The following CCDC191 variants were observed in gnomAD, a reference collection of about 807,000 sequenced individuals.
The protein encoded by CCDC191 is coiled-coil domain containing 191, also known as coiled-coil domain-containing protein 191.
In CCDC191, 99 loss-of-function variants were observed where a neutral mutation model predicts 114.0. The observed-to-expected ratio is 0.87, with a 90% CI of 0.74 to 1.03. The LOEUF (loss-of-function observed/expected upper bound fraction) is 1.03, where lower values mean the gene tolerates loss of function less well. CCDC191 is among the 50% of genes least tolerant of loss of function. The pLI, the probability that CCDC191 is intolerant of heterozygous loss-of-function variation, is 0.00. For missense variants in CCDC191, 973 were observed against 1,087.0 expected, an observed-to-expected ratio of 0.90 and a Z score of 1.47; for synonymous variants, 351 against 376.0, an observed-to-expected ratio of 0.93 and a Z score of 0.77.
intron 10 of CCDC191, 25 bp downstream of exon 10, chr3:114,005,483 G>GGACAGAGACTCCACCGTACATCAAAATC: frequency 6.3e-7 from 1 of 1,577,370 alleles, no homozygotes; most frequent in Non-Finnish European, 8.6e-7. Context: ...AATGAGTCCA[G>GGACAGAGACTCCACCGTACATCAAAATC]CGAGTTCTGA....
At chr3:114,034,897 C>G in intron 6 of CCDC191, 28 bp downstream of exon 6, 1 of 1,587,270 alleles carries the variant, frequency 6.3e-7, no homozygotes, top group Non-Finnish European at 8.6e-7. Context: ...AACAGAGAAA[C>G]CCCACAGTGC....
rs546846341 is a variant in CCDC191, at chr3:113,983,896, G to A, written c.2164-3103C>T. On this transcript the variant is annotated intron_variant, in intron 13 of 16. Coordinates refer to ENST00000295878, the MANE Select transcript of CCDC191 (RefSeq NM_020817.2). ...GTATAAGCATTTAATAAACATACAG[G>A]GGGGTGTTAAGAAGAGGTTAGATTA... is the stretch of plus-strand genomic sequence containing the variant. 3 of 152,246 alleles carry A rather than the reference G, an allele frequency of 2.0e-5. No homozygotes were observed. In the East Asian group the frequency reaches 5.8e-4, roughly 29 times the overall value. The allele number at this position is 152,246 out of a possible 1,614,324, so 9.4% of individuals were successfully genotyped here. A position where few individuals can be genotyped will look rare whatever the true frequency, so the allele number is the denominator to read the frequency against.
At position 113,980,653 on chromosome 3, in the gene CCDC191, G is replaced by T; in HGVS notation, c.2304C>A (p.Ile768=). 2.5e-6 allele frequency: 4 copies of T among 1,588,646 alleles called. No homozygotes were observed. The highest frequency in any genetic ancestry group is 1.2e-5 in the South Asian group (1 of 85,062). The change falls in exon 14 of 17, where the codon ATC becomes ATA. Residue 768 remains isoleucine (I), a synonymous_variant. Transcript: ENST00000295878. ...GGATAACAGTGGGACAGTGTACCTGGATGTTTTGTTTGCTTTGCATTCTCA... is the reference window on the plus strand; with the variant it reads ...GGATAACAGTGGGACAGTGTACCTGTATGTTTTGTTTGCTTTGCATTCTCA... ...KRLRMQSKQN[I]QVAEEHYSLF...
intron 7 of CCDC191, among the ~76,000 whole-genome samples, chr3:114,020,948 A>G (rs2076235122): frequency 6.6e-6 from 1 of 152,162 alleles, no homozygotes; most frequent in African/African-American, 2.4e-5. Context: ...CCATCACTAT[A>G]AAATAAAGAT....
At chr3:114,045,655 G>A (rs1355833139) in intron 3 of CCDC191, among the ~76,000 whole-genome samples, 2 of 152,114 alleles carry the variant, frequency 1.3e-5, no homozygotes, top group African/African-American at 4.8e-5. Context: ...AAAGCCCTAT[G>A]TGACATACCT....
chr3:113,978,840 C>G lies in CCDC191; in HGVS notation c.2460+18G>C, dbSNP rs1024564411. On this transcript the variant is annotated intron_variant, in intron 15 of 16. Transcript: ENST00000295878. ...GAGCAATGAGATGTATTTAAGGTACCCTTCCCTATGTCCTTACCTGTAGCC... is the reference window on the plus strand; with the variant it reads ...GAGCAATGAGATGTATTTAAGGTACGCTTCCCTATGTCCTTACCTGTAGCC... 17 of 1,607,828 alleles carry G rather than the reference C, an allele frequency of 1.1e-5. No homozygotes were observed. Among genetic ancestry groups the G allele is most frequent in the Admixed American group, 1.7e-5 (1 of 59,140 alleles).
intron 16 of CCDC191, among the ~76,000 whole-genome samples, chr3:113,966,582 A>T (rs929822975): frequency 1.3e-5 from 2 of 152,152 alleles, no homozygotes; most frequent in African/African-American, 2.4e-5. Context: ...AAAGGCAACG[A>T]AGCGAGAATA....
At chr3:113,979,101 C>T in intron 14 of CCDC191, 91 bp from the exon 15 acceptor site, 1 of 1,190,744 alleles carries the variant, frequency 8.4e-7, no homozygotes, top group Non-Finnish European at 1.2e-6. Context: ...CTATAAAACA[C>T]ATTTAGGCAG....
At chr3:114,024,116 C>T (rs1167606378) in intron 7 of CCDC191, among the ~76,000 whole-genome samples, 1 of 152,132 alleles carries the variant, frequency 6.6e-6, no homozygotes, top group Non-Finnish European at 1.5e-5. Flanking sequence ...TCATCACTGG[C>T]CATCAGAGAA....
chr3:114,025,399 G>A (rs996978084), intron 7 of CCDC191, among the ~76,000 whole-genome samples: 4 of 151,846 alleles, frequency 2.6e-5, no homozygotes, highest in Non-Finnish European at 5.9e-5. Context: ...TTTTTCTGAA[G>A]TATTTAAAAA....
rs1376116962 is a variant in CCDC191 at position 114,056,411 on chromosome 3, C to A, written c.56G>T (p.Arg19Leu). Residue 19 changes from arginine (R) to leucine (L), a missense_variant, in exon 1 of 17, where the codon CGC (arginine) becomes CTC (leucine). Transcript: ENST00000295878. ...CGGCTTCCTTGTGAACCGTTTCCAG[C>A]GATTCAGCCCCATCCTTTTCTTTGA... Reference protein sequence around the residue: ...SFSKKRMGLNRWKRFTRKPSP... With the variant: ...SFSKKRMGLNLWKRFTRKPSP... The A allele has an allele frequency of 5.6e-6, 9 of 1,614,028 alleles. No homozygotes were observed. Among genetic ancestry groups the A allele is most frequent in the Admixed American group, 1.7e-5 (1 of 60,004 alleles).
At chr3:113,980,942 T>A in intron 13 of CCDC191, 149 bp from the exon 14 acceptor site, 3 of 698,580 alleles carry the variant, frequency 4.3e-6, no homozygotes, top group Non-Finnish European at 4.6e-6. Flanking sequence ...GCTTTTTCTT[T>A]AAAAAAAAGG....
chr3:113,972,207 T>A (rs1940892985), intron 16 of CCDC191, among the ~76,000 whole-genome samples: 1 of 152,138 alleles, frequency 6.6e-6, no homozygotes, highest in Non-Finnish European at 1.5e-5. Context: ...GATGTGTTTA[T>A]TGCTATAAAC....
At position 114,053,646 on chromosome 3, in the gene CCDC191, C is replaced by CAT; in HGVS notation, c.91-13_91-12dup. The stretch of plus-strand genomic sequence containing the variant: ...AGGACCAAAAGTAGGCTGTAGATAA[C>CAT]ATATATATGATATCAATACGCAGCA... On this transcript the variant is annotated splice_polypyrimidine_tract_variant and intron_variant, in intron 1 of 16. Coordinates refer to ENST00000295878, the MANE Select transcript of CCDC191 (RefSeq NM_020817.2). 1 of 1,568,914 alleles carries CAT rather than the reference C, an allele frequency of 6.4e-7. No homozygotes were observed. The highest frequency in any genetic ancestry group is 8.7e-7 in the Non-Finnish European group (1 of 1,143,730).
In CCDC191 at chr3:114,005,797, G is replaced by A. The variant is rs1028477916; in HGVS notation, c.1579C>T (p.Pro527Ser). The A allele has an allele frequency of 6.2e-7, 1 of 1,613,954 alleles. No individual in the cohort carries two copies. Among genetic ancestry groups the A allele is most frequent in the East Asian group, 2.2e-5 (1 of 44,874 alleles). ...NKQHKTLGAEPSQQPGSNETL... is the reference protein window; with the variant it reads ...NKQHKTLGAESSQQPGSNETL... The stretch of plus-strand genomic sequence containing the variant: ...TCGTTGCTGCCAGGCTGTTGAGAGG[G>A]TTCAGCACCCAGGGTCTTGTGCTGC... The change falls in exon 10 of 17, where the codon CCC (proline) becomes TCC (serine). Residue 527 changes from proline (P) to serine (S), a missense_variant. By Grantham distance (74) the Pro-to-Ser change is moderately conservative. Transcript: ENST00000295878.
At chr3:113,966,149 G>GAC (rs2107542339) in intron 16 of CCDC191, among the ~76,000 whole-genome samples, 1 of 152,276 alleles carries the variant, frequency 6.6e-6, no homozygotes, top group Admixed American at 6.5e-5. Flanking sequence ...TCAGTGCGTA[G>GAC]ACATATTTTA....
At chr3:114,014,239 G>C (rs1253777615) in intron 8 of CCDC191, among the ~76,000 whole-genome samples, 1 of 152,136 alleles carries the variant, frequency 6.6e-6, no homozygotes, top group Non-Finnish European at 1.5e-5. Flanking sequence ...AATGTGCCAG[G>C]TACCCCCAGG....
chr3:114,056,535 G>A (rs759476252), upstream of CCDC191: 2 of 1,610,692 alleles, frequency 1.2e-6, no homozygotes, highest in Non-Finnish European at 1.7e-6. Flanking sequence ...CTGCCTCCGG[G>A]TCACGCTGGG....
intron 7 of CCDC191, among the ~76,000 whole-genome samples, chr3:114,030,405 T>C (rs1489860024): frequency 6.6e-6 from 1 of 152,174 alleles, no homozygotes; most frequent in African/African-American, 2.4e-5. Flanking sequence ...GAATACTCGT[T>C]TCTCTTCTTA....
Sources: gnomAD v4.1 joint callset for allele counts (sites outside exome capture counted in the v4.1 genomes callset) on GRCh38, gnomAD v4.1.1 for gene constraint, MANE v1.5 for transcripts, NCBI Gene and HGNC (gene_info 2026-07-23, HGNC 2026-07-21) for gene names.